AGMO: variants seen among roughly 807,000 people sequenced by gnomAD.
The protein encoded by AGMO is alkylglycerol monooxygenase, also known as glyceryl-ether monooxygenase.
A neutral mutation model predicts 60.2 loss-of-function variants in AGMO; 75 were observed. That is an observed-to-expected ratio of 1.25 (90% CI 1.03 to 1.51). The LOEUF is 1.51. Ranked by LOEUF, AGMO falls within the 40% of genes most tolerant of loss-of-function variation. AGMO has a pLI of 0.00. For synonymous variants in AGMO, 261 were observed against 177.1 expected (o/e 1.47, Z -3.76); for missense variants, 763 against 525.5 (o/e 1.45, Z -4.42).
intron 3 of AGMO, among the ~76,000 whole-genome samples, chr7:15,437,119 C>G (rs562946644): frequency 1.3e-5 from 2 of 152,058 alleles, no homozygotes; most frequent in East Asian, 3.9e-4. Flanking sequence ...CTCAAGCTAC[C>G]AAACTAAAGT....
At position 15,323,948 on chromosome 7, in the gene AGMO, C is replaced by T. The variant is rs142664166; in HGVS notation, c.1263+41566G>A. Among the ~76,000 whole-genome samples, 325 of 152,350 alleles carry T rather than the reference C, an allele frequency of 2.1e-3. 3 individuals are homozygous for T. The highest frequency in any genetic ancestry group is 7.3e-3 in the African/African-American group (302 of 41,574). On this transcript the variant is annotated intron_variant, in intron 12 of 12. Transcript: ENST00000342526. ...ACCTCAGAGTAAGCCACATTTAAAACTCAAGCTTGCCGCAGACATTTCTAT... is the reference window on the plus strand; with the variant it reads ...ACCTCAGAGTAAGCCACATTTAAAATTCAAGCTTGCCGCAGACATTTCTAT...
intron 12 of AGMO, among the ~76,000 whole-genome samples, chr7:15,210,952 A>G (rs1781571821): frequency 6.6e-6 from 1 of 152,122 alleles, no homozygotes; most frequent in Non-Finnish European, 1.5e-5. Context: ...AAGCTATTTT[A>G]CAGAAAATAA....
chr7:15,381,054 G>A (rs10950560), intron 10 of AGMO, among the ~76,000 whole-genome samples: 50,165 of 151,818 alleles, frequency 0.33, 8,720 homozygotes, highest in African/African-American at 0.41. Context: ...ACTTAAATGT[G>A]AAACCTAAAA....
At chr7:15,384,817 C>CTT (rs71953359) in intron 10 of AGMO, among the ~76,000 whole-genome samples, 2,087 of 121,252 alleles carry the variant, frequency 0.017, 59 homozygotes, top group South Asian at 0.039. Context: ...CTGTTTTTCT[C>CTT]TTTTTTTTTT....
intron 4 of AGMO, among the ~76,000 whole-genome samples, chr7:15,429,649 G>A (rs962202938): frequency 1.3e-5 from 2 of 151,958 alleles, no homozygotes; most frequent in Non-Finnish European, 2.9e-5. Context: ...TGTATGGTGT[G>A]GGAGTTTGAG....
chr7:15,172,420 G>A, the AGMO span, among the ~76,000 whole-genome samples: 1 of 152,140 alleles, frequency 6.6e-6, no homozygotes, highest in African/African-American at 2.4e-5. Context: ...CACAGAGAGG[G>A]CCACAACTGG....
At chr7:15,392,279 T>C (rs994389639) in intron 6 of AGMO, among the ~76,000 whole-genome samples, 1 of 150,120 alleles carries the variant, frequency 6.7e-6, no homozygotes, top group African/African-American at 2.5e-5. Flanking sequence ...TTCACCGTGC[T>C]AGCCAGGATG....
chr7:15,199,938 T>G (rs899597105), downstream of AGMO, among the ~76,000 whole-genome samples: 3 of 152,192 alleles, frequency 2.0e-5, no homozygotes, highest in Non-Finnish European at 4.4e-5. Context: ...GTATCCTCAG[T>G]TCACATAGAC....
chr7:15,140,213 C>T, the AGMO span, among the ~76,000 whole-genome samples: 2 of 151,866 alleles, frequency 1.3e-5, no homozygotes, highest in Non-Finnish European at 1.5e-5. Context: ...TGGTTAAGTA[C>T]ACCAAACTAG....
chr7:15,424,735 T>C (rs768138850), intron 4 of AGMO, among the ~76,000 whole-genome samples: 2 of 152,214 alleles, frequency 1.3e-5, no homozygotes, highest in African/African-American at 2.4e-5. Flanking sequence ...GAAGAAGGAA[T>C]GCCTTGGAGT....
chr7:15,382,665 A>C (rs1783739162), intron 10 of AGMO, among the ~76,000 whole-genome samples: 1 of 152,206 alleles, frequency 6.6e-6, no homozygotes, highest in South Asian at 2.1e-4. Flanking sequence ...AAGGAATTAG[A>C]GAAGCCCTTT....
At chr7:15,466,091 T>G (rs888294571) in intron 3 of AGMO, among the ~76,000 whole-genome samples, 3 of 152,162 alleles carry the variant, frequency 2.0e-5, no homozygotes, top group African/African-American at 7.2e-5. Flanking sequence ...TGTTTTATTT[T>G]TCTGAAGCCT....
chr7:15,513,153 T>C (rs1025144846), intron 3 of AGMO, among the ~76,000 whole-genome samples: 1 of 152,216 alleles, frequency 6.6e-6, no homozygotes, highest in African/African-American at 2.4e-5. Flanking sequence ...CAAGCATAAT[T>C]GCTTGTCTGT....
chr7:15,184,845 G>A, the AGMO span, among the ~76,000 whole-genome samples: 6 of 46,840 alleles, frequency 1.3e-4, no homozygotes, highest in Admixed American at 6.6e-4. Flanking sequence ...AAGGAAAGAA[G>A]GGAAAGAAGG....
chr7:15,196,087 G>A (rs1345697675), downstream of AGMO, among the ~76,000 whole-genome samples: 1 of 151,536 alleles, frequency 6.6e-6, no homozygotes, highest in Non-Finnish European at 1.5e-5. Context: ...TCTGTCACCG[G>A]GCTGGAATGC....
In AGMO at chr7:15,291,337, G is replaced by T. The variant is rs547392108; in HGVS notation, c.1263+74177C>A. 2.6e-5 allele frequency among the ~76,000 whole-genome samples: 4 copies of T among 152,130 alleles called. No individual in the cohort carries two copies. The South Asian group carries it at 8.3e-4, about 32-fold the overall frequency. The stretch of plus-strand genomic sequence containing the variant: ...CATTATATCCAATGGGAAACGTTAC[G>T]ATTCTATAACAGATTATATATTCCT... On this transcript the variant is annotated intron_variant, in intron 12 of 12. Transcript: ENST00000342526.
rs573289082 is a variant in AGMO, at chr7:15,414,066, G to C, written c.609+4492C>G. ...TCTGTCACCCAGGCTGGAGTGCAGTGGTGTGATCTCGGTTCACTGCAAGCT... is the reference window on the plus strand; with the variant it reads ...TCTGTCACCCAGGCTGGAGTGCAGTCGTGTGATCTCGGTTCACTGCAAGCT... On this transcript the variant is annotated intron_variant, in intron 5 of 12. Transcript: ENST00000342526. Among the ~76,000 whole-genome samples the C allele has an allele frequency of 9.2e-5, 14 of 152,060 alleles. No individual in the cohort carries two copies. The East Asian group carries it at 2.5e-3, about 27-fold the overall frequency.
At chr7:15,432,328 G>GTATATATATATATACATACA (rs1562504281) in intron 3 of AGMO, among the ~76,000 whole-genome samples, 1 of 75,460 alleles carries the variant, frequency 1.3e-5, no homozygotes, top group Non-Finnish European at 2.8e-5. Context: ...GTGTATATAT[G>GTATATATATATATACATACA]TATATATATA....
intron 3 of AGMO, among the ~76,000 whole-genome samples, chr7:15,541,484 T>C (rs149981617): frequency 0.019 from 2,872 of 152,316 alleles, 104 homozygotes; most frequent in Admixed American, 0.093. Flanking sequence ...TAAGAACTAT[T>C]TATCCTTCTA....
Sources: allele counts gnomAD v4.1 joint callset (sites outside exome capture counted in the v4.1 genomes callset), GRCh38; gene constraint gnomAD v4.1.1; transcripts MANE v1.5; gene names NCBI Gene and HGNC (gene_info 2026-07-23, HGNC 2026-07-21).